FBXW8: variants seen among roughly 807,000 people sequenced by gnomAD.
FBXW8 encodes F-box and WD repeat domain containing 8.
FBXW8 carries 57 observed loss-of-function variants against 65.3 expected under a neutral mutation model. The observed-to-expected ratio is 0.87, with a 90% confidence interval of 0.71 to 1.09. The LOEUF (loss-of-function observed/expected upper bound fraction) is 1.09, where lower values mean the gene tolerates loss of function less well. FBXW8 is among the 50% of genes least tolerant of loss of function. The pLI is 0.00. For synonymous variants in FBXW8, 308 were observed against 330.2 expected, an observed-to-expected ratio of 0.93 and a Z score of 0.73; for missense variants, 777 against 814.8, an observed-to-expected ratio of 0.95 and a Z score of 0.57.
intron 2 of FBXW8, 65 bp downstream of exon 2, chr12:116,928,192 G>A (rs899531548): frequency 2.3e-5 from 22 of 961,072 alleles, no homozygotes; most frequent in African/African-American, 1.0e-4. Context: ...AGGACTCTCC[G>A]GGGTAATAGA....
At chr12:116,955,278 GT>G (rs1883573110) in intron 4 of FBXW8, among the ~76,000 whole-genome samples, 1 of 152,240 alleles carries the variant, frequency 6.6e-6, no homozygotes, top group Non-Finnish European at 1.5e-5. Context: ...TGCACCAGTT[GT>G]TTTCTTTGTT....
At chr12:117,008,927 T>G (rs1953740524) in intron 7 of FBXW8, among the ~76,000 whole-genome samples, 1 of 151,980 alleles carries the variant, frequency 6.6e-6, no homozygotes, top group African/African-American at 2.4e-5. Flanking sequence ...ATTAGCCAGG[T>G]GTGGTGGCGG....
At chr12:116,925,677 C>T (rs955452248) in intron 1 of FBXW8, among the ~76,000 whole-genome samples, 8 of 152,220 alleles carry the variant, frequency 5.3e-5, no homozygotes, top group African/African-American at 7.2e-5. Context: ...TGTGTAATGT[C>T]GTTTACAAAA....
Position 117,010,330 on chromosome 12 carries a change from T to C in FBXW8, c.1247T>C (p.Val416Ala). 2 of 1,614,182 alleles carry C rather than the reference T, an allele frequency of 1.2e-6. No homozygotes were observed. Among genetic ancestry groups the C allele is most frequent in the African/African-American group, 2.7e-5 (2 of 75,044 alleles). The change falls in exon 8 of 11, where the codon GTG becomes GCG. Residue 416 changes from valine (V) to alanine (A), a missense_variant. By Grantham distance (64) the Val-to-Ala change is moderately conservative. Coordinates refer to ENST00000652555, the MANE Select transcript of FBXW8 (RefSeq NM_153348.3). ...TTTCTCTTCCTCTCTCAGATCCTGG[T>C]GTATAGCCTGGAAGCAGGACGCCGC... The part of the protein sequence containing the change: ...GWVYEGSKIL[V>A]YSLEAGRRLL...
chr12:116,954,111 C>CAA (rs59747365), intron 4 of FBXW8, among the ~76,000 whole-genome samples: 14 of 100,580 alleles, frequency 1.4e-4, no homozygotes, highest in African/African-American at 2.2e-4. Context: ...GACTCTGTCT[C>CAA]AAAAAAAAAA....
chr12:117,010,259 A>G, intron 7 of FBXW8, 64 bp from the exon 8 acceptor site: 1 of 1,609,054 alleles, frequency 6.2e-7, no homozygotes. Context: ...TGGTGAAATG[A>G]AAGTATTTGA....
chr12:116,949,903 A>G (rs1047102448), intron 4 of FBXW8, 197 bp downstream of exon 4: 22 of 600,938 alleles, frequency 3.7e-5, no homozygotes, highest in East Asian at 3.1e-4. Context: ...TGAGAAGCAC[A>G]TGGTGTAGAG....
At chr12:116,994,922 A>G (rs529877603) in intron 7 of FBXW8, among the ~76,000 whole-genome samples, 38 of 152,268 alleles carry the variant, frequency 2.5e-4, no homozygotes, top group African/African-American at 7.5e-4. Context: ...ATTTTGATAG[A>G]CATTGCCCTC....
chr12:117,022,477 A>G (rs2135723892), intron 8 of FBXW8, among the ~76,000 whole-genome samples: 1 of 152,124 alleles, frequency 6.6e-6, no homozygotes, highest in African/African-American at 2.4e-5. Context: ...AACACAGCAA[A>G]ACCGTCTCTA....
intron 8 of FBXW8, among the ~76,000 whole-genome samples, chr12:117,019,962 C>T (rs1170155278): frequency 6.6e-6 from 1 of 152,178 alleles, no homozygotes; most frequent in East Asian, 1.9e-4. Context: ...GCCTAGAGGG[C>T]GAAGCGCACC....
At chr12:117,009,056 A>G (rs1170010517) in intron 7 of FBXW8, among the ~76,000 whole-genome samples, 2 of 152,110 alleles carry the variant, frequency 1.3e-5, no homozygotes, top group African/African-American at 4.8e-5. Flanking sequence ...CGATAGAGTG[A>G]GACTCAGTCT....
chr12:116,921,016 T>C (rs929701138), intron 1 of FBXW8, among the ~76,000 whole-genome samples: 2 of 152,140 alleles, frequency 1.3e-5, no homozygotes, highest in Non-Finnish European at 2.9e-5. Flanking sequence ...GCCCAGCCCA[T>C]TTTGCTTCAC....
intron 5 of FBXW8, among the ~76,000 whole-genome samples, chr12:116,975,812 T>C (rs1465585836): frequency 6.6e-6 from 1 of 152,176 alleles, no homozygotes; most frequent in Non-Finnish European, 1.5e-5. Context: ...GTCAGGGTCA[T>C]GAAGGACAAG....
chr12:116,992,999 T>C (rs1217656953), intron 7 of FBXW8, among the ~76,000 whole-genome samples: 2 of 152,024 alleles, frequency 1.3e-5, no homozygotes, highest in African/African-American at 4.8e-5. Flanking sequence ...GAAATCTCCA[T>C]ACTGTTTTCC....
intron 5 of FBXW8, among the ~76,000 whole-genome samples, chr12:116,973,449 C>T (rs1218487986): frequency 2.0e-5 from 3 of 152,132 alleles, no homozygotes; most frequent in African/African-American, 7.2e-5. Context: ...TAACAGGAAC[C>T]GTCTTAATAA....
intron 8 of FBXW8, among the ~76,000 whole-genome samples, chr12:117,015,728 G>C (rs1342311272): frequency 2.0e-5 from 3 of 151,878 alleles, no homozygotes; most frequent in Non-Finnish European, 1.5e-5. Flanking sequence ...AATTTAAATT[G>C]TACAATTCAG....
At chr12:116,932,832 G>A (rs892736205) in intron 2 of FBXW8, among the ~76,000 whole-genome samples, 15 of 152,084 alleles carry the variant, frequency 9.9e-5, no homozygotes, top group East Asian at 1.9e-4. Flanking sequence ...GTGCCCAGCC[G>A]TTCTAATCTT....
rs1381862250 is a variant in FBXW8 at position 116,961,876 on chromosome 12, G to A, written c.678-2821G>A. Among the ~76,000 whole-genome samples, 2 of 152,206 alleles carry A rather than the reference G, an allele frequency of 1.3e-5. No homozygotes were observed. Among genetic ancestry groups the A allele is most frequent in the South Asian group, 2.1e-4 (1 of 4,836 alleles). On this transcript the variant is annotated intron_variant, in intron 4 of 10. Transcript: ENST00000652555. This position sits in a 1 kb window ranked among gnomAD's most constrained non-coding sequence, Gnocchi z 4.4. Reference sequence around the variant, plus strand: ...GTTTTGAAGGGCTTGGCTTGTGGGGGGAGGATTGAATGGAAGAAGCTCCGA... The same window carrying A: ...GTTTTGAAGGGCTTGGCTTGTGGGGAGAGGATTGAATGGAAGAAGCTCCGA...
At chr12:116,918,799 A>G (rs184793457) in intron 1 of FBXW8, among the ~76,000 whole-genome samples, 28 of 152,236 alleles carry the variant, frequency 1.8e-4, no homozygotes, top group Admixed American at 5.2e-4. Context: ...GAGGAAGTGG[A>G]TGTTGGGCAG....
Sources: gnomAD v4.1 joint callset for allele counts (sites outside exome capture counted in the v4.1 genomes callset) on GRCh38, gnomAD v4.1.1 for gene constraint, Gnocchi (gnomAD v3.1) non-coding constraint, MANE v1.5 for transcripts, NCBI Gene and HGNC (gene_info 2026-07-23, HGNC 2026-07-21) for gene names.